The following LRMDA variants were observed in gnomAD, a reference collection of about 807,000 sequenced individuals.
LRMDA encodes leucine rich melanocyte differentiation associated.
LRMDA carries 18 observed loss-of-function variants against 29.8 expected under a neutral mutation model. That is an observed-to-expected ratio of 0.60 (90% CI 0.42 to 0.90). The LOEUF is 0.90. Ranked by LOEUF, LRMDA falls within the 40% of genes least tolerant of loss-of-function variation. The pLI is 0.00. For synonymous variants in LRMDA, 125 were observed against 109.4 expected, an observed-to-expected ratio of 1.14 and a Z score of -0.89; for missense variants, 273 against 273.9, an observed-to-expected ratio of 1.00 and a Z score of 0.02.
intron 6 of LRMDA, among the ~76,000 whole-genome samples, chr10:76,403,768 T>C (rs906790120): frequency 1.3e-5 from 2 of 152,170 alleles, no homozygotes; most frequent in Non-Finnish European, 2.9e-5. Context: ...ACTCTCTCTG[T>C]GTGGCAAAAA....
intron 5 of LRMDA, among the ~76,000 whole-genome samples, chr10:76,300,478 T>A (rs992946): frequency 0.031 from 4,765 of 152,282 alleles, 202 homozygotes; most frequent in African/African-American, 0.095. Context: ...GGGAAGGCCC[T>A]TTATTTCCGT....
intron 5 of LRMDA, among the ~76,000 whole-genome samples, chr10:76,115,351 C>A (rs1564656671): frequency 6.6e-6 from 1 of 152,202 alleles, no homozygotes; most frequent in East Asian, 1.9e-4. Context: ...CATTTTTGAT[C>A]TTTGCGTCTC....
At chr10:75,788,324 T>C (rs1255572540) in intron 2 of LRMDA, among the ~76,000 whole-genome samples, 2 of 152,234 alleles carry the variant, frequency 1.3e-5, no homozygotes, top group Non-Finnish European at 2.9e-5. Flanking sequence ...TTCTCCTGTC[T>C]TTCTGTATCA....
chr10:76,311,215 A>C (rs1359079905), intron 5 of LRMDA, among the ~76,000 whole-genome samples: 1 of 152,234 alleles, frequency 6.6e-6, no homozygotes, highest in Non-Finnish European at 1.5e-5. Flanking sequence ...AAATGCAGCA[A>C]AACTCAAGTT....
At chr10:75,639,851 G>T (rs1246935492) in intron 2 of LRMDA, among the ~76,000 whole-genome samples, 1 of 152,244 alleles carries the variant, frequency 6.6e-6, no homozygotes, top group Non-Finnish European at 1.5e-5. Flanking sequence ...TGCGCTCGGA[G>T]AGCGGACATT....
At chr10:76,508,740 T>C (rs1012434812) in intron 6 of LRMDA, among the ~76,000 whole-genome samples, 1 of 152,232 alleles carries the variant, frequency 6.6e-6, no homozygotes, top group East Asian at 1.9e-4. Context: ...TTAGAAATCA[T>C]GATCTGGACC....
Position 75,984,279 on chromosome 10 carries a change from C to T in LRMDA, c.132-51729C>T, listed in dbSNP as rs75051082. Among the ~76,000 whole-genome samples, 1,274 of 152,250 alleles carry T rather than the reference C, an allele frequency of 8.4e-3. 22 individuals carry two copies. The highest frequency in any genetic ancestry group is 0.029 in the African/African-American group (1,207 of 41,538). On this transcript the variant is annotated intron_variant, in intron 2 of 6. Transcript: ENST00000611255. ...GGAATTCTTGGGGATCTGTGCCCTG[C>T]GGGGAGGATATCCAAACCAGCAGGT...
chr10:76,053,151 C>T (rs955353686), intron 4 of LRMDA, among the ~76,000 whole-genome samples: 2 of 152,282 alleles, frequency 1.3e-5, no homozygotes, highest in African/African-American at 4.8e-5. Flanking sequence ...CCTGCAAACC[C>T]TATTCCCGAT....
intron 6 of LRMDA, among the ~76,000 whole-genome samples, chr10:76,490,116 G>C (rs188854590): frequency 6.6e-6 from 1 of 151,922 alleles, no homozygotes; most frequent in Middle Eastern, 3.4e-3. Context: ...AATTCTTCTT[G>C]TTATTGATTT....
At chr10:76,349,282 T>C (rs992178971) in intron 6 of LRMDA, among the ~76,000 whole-genome samples, 1 of 152,160 alleles carries the variant, frequency 6.6e-6, no homozygotes, top group Non-Finnish European at 1.5e-5. Flanking sequence ...AGCATTCTAG[T>C]GTGCAGGTAG....
At chr10:76,119,979 GC>G (rs1395165700) in intron 5 of LRMDA, among the ~76,000 whole-genome samples, 1 of 152,100 alleles carries the variant, frequency 6.6e-6, no homozygotes, top group African/African-American at 2.4e-5. Flanking sequence ...GGGTGGATAA[GC>G]CCCCCATTTG....
At chr10:75,686,252 A>T (rs879603837) in intron 2 of LRMDA, among the ~76,000 whole-genome samples, 6 of 152,292 alleles carry the variant, frequency 3.9e-5, no homozygotes, top group Admixed American at 3.9e-4. Context: ...ATGTGAGTGG[A>T]AAGGCAGAGG....
intron 2 of LRMDA, among the ~76,000 whole-genome samples, chr10:75,537,085 CT>C (rs1476319351): frequency 6.6e-6 from 1 of 152,152 alleles, no homozygotes; most frequent in African/African-American, 2.4e-5. Context: ...CAAGAGTGAA[CT>C]TTTATGCCCA....
chr10:75,926,115 T>TG (rs1846116153), intron 2 of LRMDA, among the ~76,000 whole-genome samples: 2 of 152,304 alleles, frequency 1.3e-5, no homozygotes, highest in South Asian at 2.1e-4. Context: ...CATAGGCATG[T>TG]GGGGAACCCT....
At chr10:76,353,082 G>A (rs1841197388) in intron 6 of LRMDA, among the ~76,000 whole-genome samples, 1 of 152,082 alleles carries the variant, frequency 6.6e-6, no homozygotes, top group Admixed American at 6.6e-5. Flanking sequence ...AAAGAAGTTT[G>A]GAGACTTCCT....
intron 2 of LRMDA, among the ~76,000 whole-genome samples, chr10:75,499,759 G>A (rs184345771): frequency 1.2e-4 from 18 of 152,248 alleles, no homozygotes; most frequent in African/African-American, 4.1e-4. Context: ...GTGGTCATAG[G>A]AGGGGTTGTT....
intron 5 of LRMDA, among the ~76,000 whole-genome samples, chr10:76,070,041 G>A (rs978603267): frequency 1.3e-5 from 2 of 152,126 alleles, no homozygotes; most frequent in Non-Finnish European, 2.9e-5. Context: ...CCTGTTATTG[G>A]TTGCCTTATT....
chr10:76,365,107 T>TATATATATATATATATTTATATACAC (rs141131236), intron 6 of LRMDA, among the ~76,000 whole-genome samples: 1 of 61,202 alleles, frequency 1.6e-5, no homozygotes, highest in Non-Finnish European at 4.3e-5. Context: ...TATATATATA[T>TATATATATATATATATTTATATACAC]ACACACACAC....
At position 76,379,482 on chromosome 10, in the gene LRMDA, A is replaced by G. The variant is rs189882121; in HGVS notation, c.601+54997A>G. 2.6e-5 allele frequency among the ~76,000 whole-genome samples: 4 copies of G among 151,948 alleles called. No individual in the cohort carries two copies. In the East Asian group the frequency reaches 7.8e-4, roughly 29 times the overall value. ...GGGGTTATATATTTATCGATTTCCT[A>G]TAGGTTTTCTAATTTGTATGCATAG... On this transcript the variant is annotated intron_variant, in intron 6 of 6. Coordinates refer to ENST00000611255, the MANE Select transcript of LRMDA (RefSeq NM_001305581.2).
Sources: allele counts gnomAD v4.1 joint callset (sites outside exome capture counted in the v4.1 genomes callset), GRCh38; gene constraint gnomAD v4.1.1; transcripts MANE v1.5; gene names NCBI Gene and HGNC (gene_info 2026-07-23, HGNC 2026-07-21).